The following OAS3 variants were observed in gnomAD, a reference collection of about 807,000 sequenced individuals.
The protein encoded by OAS3 is 2'-5'-oligoadenylate synthase 3.
Under a neutral mutation model 113.0 loss-of-function variants are expected in OAS3, and 107 were observed. The observed-to-expected ratio is 0.95, with a 90% CI of 0.81 to 1.11. OAS3 has a LOEUF of 1.11. Among genes scored for constraint, OAS3 ranks in the 50% most tolerant of loss-of-function variants. The probability of loss-of-function intolerance (pLI) is 0.00; values close to 1 mark genes in which losing one functional copy is unlikely to be tolerated. For synonymous variants in OAS3, 552 were observed against 573.6 expected (o/e 0.96, Z 0.54); for missense variants, 1,258 against 1,389.1 (o/e 0.91, Z 1.50).
chr12:112,938,783 C>T (rs915175416), intron 1 of OAS3, 76 bp downstream of exon 1: 5 of 1,179,000 alleles, frequency 4.2e-6, no homozygotes, highest in Admixed American at 3.3e-5. Context: ...CATAGGCTTA[C>T]GGTGGGGGTG....
At chr12:112,960,357 T>C (rs2043871363) in intron 7 of OAS3, among the ~76,000 whole-genome samples, 1 of 152,106 alleles carries the variant, frequency 6.6e-6, no homozygotes. Flanking sequence ...CCCAGAGCCC[T>C]AGCAGCAAGC....
At position 112,949,102 on chromosome 12, in the gene OAS3, T is replaced by G; in HGVS notation, c.1271T>G (p.Leu424Arg). The change falls in exon 6 of 16, where the codon CTG becomes CGG. Residue 424 changes from leucine (L) to arginine (R), a missense_variant. Leu to Arg is a moderately radical substitution (Grantham distance 102). Transcript: ENST00000228928. ...CTGGACCGCTTCATCCAGGACCACCTGAAGCCGAGCCCCCAGTTCCAGGAG... is the reference window on the plus strand; with the variant it reads ...CTGGACCGCTTCATCCAGGACCACCGGAAGCCGAGCCCCCAGTTCCAGGAG... ...KELDRFIQDHLKPSPQFQEQV... is the reference protein window; with the variant it reads ...KELDRFIQDHRKPSPQFQEQV... 3 of 1,613,986 alleles carry G rather than the reference T, an allele frequency of 1.9e-6. No individual in the cohort carries two copies. Among genetic ancestry groups the G allele is most frequent in the Non-Finnish European group, 2.5e-6 (3 of 1,179,882 alleles).
Position 112,946,885 on chromosome 12 carries a change from A to G in OAS3, c.779A>G (p.Gln260Arg). The G allele has an allele frequency of 6.2e-7, 1 of 1,614,058 alleles. No homozygotes were observed. The highest frequency in any genetic ancestry group is 8.5e-7 in the Non-Finnish European group (1 of 1,179,896). Residue 260 changes from glutamine to arginine, a missense_variant, in exon 4 of 16, where the codon CAA becomes CGA. Transcript: ENST00000228928. The stretch of plus-strand genomic sequence containing the variant: ...CTCCGAACTGTCCTGGGCCTGATCC[A>G]ACAGCATCAGCACCTGTGTGTTTTC... ...EGLRTVLGLI[Q>R]QHQHLCVFWT...
chr12:112,943,832 G>T (rs1381633483), intron 2 of OAS3, among the ~76,000 whole-genome samples: 4 of 152,154 alleles, frequency 2.6e-5, no homozygotes, highest in African/African-American at 9.7e-5. Context: ...TCGTGCTTCG[G>T]CCTCTGGAGT....
At position 112,944,329 on chromosome 12, in the gene OAS3, G is replaced by C. The variant is rs947067090; in HGVS notation, c.461-147G>C. 2.2e-5 allele frequency: 17 copies of C among 782,534 alleles called. No individual in the cohort carries two copies. In the African/African-American group the frequency reaches 2.4e-4, roughly 11 times the overall value. The allele number at this position is 782,534 out of a possible 1,614,324, so 48.5% of individuals were successfully genotyped here. On this transcript the variant is annotated intron_variant, in intron 2 of 15. Coordinates refer to ENST00000228928, the MANE Select transcript of OAS3 (RefSeq NM_006187.4). Reference sequence around the variant, plus strand: ...TGAAAAGCTCCAGGCTCTCTTCCCAGTCCCCCGACTCCCATGTTACCAGAT... The same window carrying C: ...TGAAAAGCTCCAGGCTCTCTTCCCACTCCCCCGACTCCCATGTTACCAGAT...
At chr12:112,949,686 T>C (rs1448866223) in intron 6 of OAS3, among the ~76,000 whole-genome samples, 1 of 152,220 alleles carries the variant, frequency 6.6e-6, no homozygotes, top group Non-Finnish European at 1.5e-5. Context: ...TTTCTTGATC[T>C]GATGTCCTCG....
rs1018742530 is a variant in OAS3, at chr12:112,963,393, C to G, written c.2165C>G (p.Ala722Gly). The G allele has an allele frequency of 3.2e-6, 5 of 1,553,032 alleles. No homozygotes were observed. The Admixed American group carries it at 9.8e-5, about 30-fold the overall frequency. Residue 722 changes from alanine (A) to glycine (G), a missense_variant, in exon 10 of 16, where the codon GCG becomes GGG. Physicochemically the swap from Ala to Gly is moderately conservative, Grantham distance 60. Transcript: ENST00000228928. This position sits in a 1 kb window ranked among gnomAD's most constrained non-coding sequence, Gnocchi z 4.6. ...GAGCTGTTGGCCCAGGAAGCAGCAGCGCTGGGGATGCAGGCCTGCTTTCTG... is the reference window on the plus strand; with the variant it reads ...GAGCTGTTGGCCCAGGAAGCAGCAGGGCTGGGGATGCAGGCCTGCTTTCTG... Reference protein sequence around the residue: ...SWELLAQEAAALGMQACFLSR... With the variant: ...SWELLAQEAAGLGMQACFLSR...
At chr12:112,958,800 A>T (rs997895368) in intron 7 of OAS3, among the ~76,000 whole-genome samples, 2 of 152,236 alleles carry the variant, frequency 1.3e-5, no homozygotes, top group Non-Finnish European at 2.9e-5. Flanking sequence ...TCAGGGACCC[A>T]CTTGAGGAGG....
rs1004252581 is a variant in OAS3, at chr12:112,954,376, C to T, written c.1657+3401C>T. Among the ~76,000 whole-genome samples, 2 of 152,052 alleles carry T rather than the reference C, an allele frequency of 1.3e-5. No homozygotes were observed. Among genetic ancestry groups the T allele is most frequent in the African/African-American group, 2.4e-5 (1 of 41,386 alleles). On this transcript the variant is annotated intron_variant, in intron 7 of 15. Coordinates refer to ENST00000228928, the MANE Select transcript of OAS3 (RefSeq NM_006187.4). This position sits in a 1 kb window ranked among gnomAD's most constrained non-coding sequence, Gnocchi z 4.0. ...CGCGATCTCGGCTCACTGCAAGCTC[C>T]ACCTCCCAGGTTCACACCATTCTCC...
rs368904715 is a variant in OAS3 at position 112,949,081 on chromosome 12, A to T, written c.1250A>T (p.Asp417Val). 3 of 1,613,858 alleles carry T rather than the reference A, an allele frequency of 1.9e-6. No homozygotes were observed. The African/African-American group carries it at 4.0e-5, about 22-fold the overall frequency. The change falls in exon 6 of 16, where the codon GAC becomes GTC. Residue 417 changes from aspartate to valine, a missense_variant. Transcript: ENST00000228928. ...TCTCAGATCCCCACCAAGGAGCTGG[A>T]CCGCTTCATCCAGGACCACCTGAAG... ...DLSQIPTKELDRFIQDHLKPS... is the reference protein window; with the variant it reads ...DLSQIPTKELVRFIQDHLKPS...
Position 112,948,926 on chromosome 12 carries a change from C to T in OAS3, c.1095C>T (p.Thr365=). Residue 365 remains threonine, a synonymous_variant, in exon 6 of 16, where the codon ACC becomes ACT. Coordinates refer to ENST00000228928, the MANE Select transcript of OAS3 (RefSeq NM_006187.4). ...HPIQLDPNQK[T]PENSKSLNAV... Reference sequence around the variant, plus strand: ...TCCAGCTAGACCCTAACCAGAAGACCCCTGAAAACAGCAAGAGCCTCAATG... The same window carrying T: ...TCCAGCTAGACCCTAACCAGAAGACTCCTGAAAACAGCAAGAGCCTCAATG... 6.2e-7 allele frequency: 1 copy of T among 1,610,906 alleles called. No individual in the cohort carries two copies. The highest frequency in any genetic ancestry group is 1.1e-5 in the South Asian group (1 of 90,332).
chr12:112,960,959 A>C, intron 7 of OAS3, 112 bp from the exon 8 acceptor site: 1 of 972,984 alleles, frequency 1.0e-6, no homozygotes. Flanking sequence ...ATTGATTGCA[A>C]TGTTAGGTGA....
In OAS3 at chr12:112,938,550, C is replaced by G. The variant is rs571230483; in HGVS notation, c.20C>G (p.Pro7Arg). ...GCGGCCATGGACTTGTACAGCACCC[C>G]GGCCGCTGCGCTGGACAGGTTCGTG... MDLYST[P>R]AAALDRFVAR... Residue 7 changes from proline (P) to arginine (R), a missense_variant, in exon 1 of 16, where the codon CCG becomes CGG. Pro to Arg is a moderately radical substitution (Grantham distance 103). Coordinates refer to ENST00000228928, the MANE Select transcript of OAS3 (RefSeq NM_006187.4). 1.2e-6 allele frequency: 2 copies of G among 1,608,262 alleles called. No individual in the cohort carries two copies. The highest frequency in any genetic ancestry group is 1.3e-5 in the African/African-American group (1 of 74,740).
Position 112,970,171 on chromosome 12 carries a change from C to G in OAS3, c.*198C>G. 4.5e-6 allele frequency: 3 copies of G among 662,586 alleles called. No homozygotes were observed. Among genetic ancestry groups the G allele is most frequent in the Non-Finnish European group, 8.0e-6 (3 of 375,654 alleles). 41.0% of individuals were successfully genotyped at this position (662,586 alleles called of 1,614,324 possible). A position where few individuals can be genotyped will look rare whatever the true frequency, so the allele number is the denominator to read the frequency against. ...TCCCAGCTCACACACTCCCCTGCCT[C>G]CCATGGCTTACACACTAGGATCCAG... On this transcript the variant is annotated 3_prime_UTR_variant, in exon 16 of 16. Transcript: ENST00000228928.
At chr12:112,938,969 G>A (rs2043655254) in intron 1 of OAS3, among the ~76,000 whole-genome samples, 2 of 152,180 alleles carry the variant, frequency 1.3e-5, no homozygotes, top group African/African-American at 4.8e-5. Context: ...AAGAGGCCCA[G>A]CCAGGATTCA....
rs1379102936 is a variant in OAS3 at position 112,963,281 on chromosome 12, C to A, written c.2085-32C>A. 2.6e-6 allele frequency: 4 copies of A among 1,543,100 alleles called. No individual in the cohort carries two copies. Among genetic ancestry groups the A allele is most frequent in the Non-Finnish European group, 3.5e-6 (4 of 1,140,614 alleles). On this transcript the variant is annotated intron_variant, in intron 9 of 15. Coordinates refer to ENST00000228928, the MANE Select transcript of OAS3 (RefSeq NM_006187.4). This position sits in a 1 kb window ranked among gnomAD's most constrained non-coding sequence, Gnocchi z 4.6. ...CGCCTCCTCTTTCACTGACTCCCAC[C>A]TTCCCCACCCACCTTCCTGCTGTGC...
rs199778647 is a variant in OAS3, at chr12:112,961,116, G to A, written c.1703G>A (p.Arg568Lys). The A allele has an allele frequency of 5.7e-4, 923 of 1,613,386 alleles. 13 individuals carry two copies. In the African/African-American group the frequency reaches 0.011, roughly 19 times the overall value. The change falls in exon 8 of 16, where the codon AGG becomes AAG. Residue 568 changes from arginine to lysine, a missense_variant. Transcript: ENST00000228928. ...GTKPNPQVYS[R>K]LLTSGCQEGE... is the part of the protein sequence containing the mutation. The stretch of plus-strand genomic sequence containing the variant: ...AAACCAAATCCCCAGGTCTACTCGA[G>A]GCTCCTCACCAGTGGCTGCCAGGAG...
At position 112,941,831 on chromosome 12, in the gene OAS3, G is replaced by C; in HGVS notation, c.439G>C (p.Val147Leu). 6.2e-7 allele frequency: 1 copy of C among 1,613,972 alleles called. No individual in the cohort carries two copies. Among genetic ancestry groups the C allele is most frequent in the Non-Finnish European group, 8.5e-7 (1 of 1,179,890 alleles). ...DLEDWMDVSLVPAFNVLGQAG... is the reference protein window; with the variant it reads ...DLEDWMDVSLLPAFNVLGQAG... ...TGAGGACTGGATGGATGTTAGCCTG[G>C]TGCCTGCCTTCAATGTCCTGGGTGA... The change falls in exon 2 of 16, where the codon GTG becomes CTG. Residue 147 changes from valine (V) to leucine (L), a missense_variant. Coordinates refer to ENST00000228928, the MANE Select transcript of OAS3 (RefSeq NM_006187.4).
chr12:112,958,150 C>T (rs1328524122), intron 7 of OAS3, among the ~76,000 whole-genome samples: 3 of 152,228 alleles, frequency 2.0e-5, no homozygotes, highest in Non-Finnish European at 4.4e-5. Context: ...CTTGTGCATG[C>T]ATCACGTAGT....
Sources: gnomAD v4.1 joint callset for allele counts (sites outside exome capture counted in the v4.1 genomes callset) on GRCh38, gnomAD v4.1.1 for gene constraint, Gnocchi (gnomAD v3.1) non-coding constraint, MANE v1.5 for transcripts, NCBI Gene and HGNC (gene_info 2026-07-23, HGNC 2026-07-21) for gene names.